The following HIF3A variants were observed in gnomAD, a reference collection of about 807,000 sequenced individuals.
HIF3A encodes the protein hypoxia-inducible factor 3-alpha.
A neutral mutation model predicts 67.2 loss-of-function variants in HIF3A; 41 were observed. The ratio of observed to expected loss-of-function variants is 0.61; its 90% confidence interval spans 0.48 to 0.79. The LOEUF is 0.79. Among genes scored for constraint, HIF3A ranks in the 30% least tolerant of loss-of-function variants. The probability of loss-of-function intolerance (pLI) is 0.00; values close to 1 mark genes in which losing one functional copy is unlikely to be tolerated. For missense variants in HIF3A, 855 were observed against 898.0 expected, an observed-to-expected ratio of 0.95 and a Z score of 0.61; for synonymous variants, 356 against 374.8, an observed-to-expected ratio of 0.95 and a Z score of 0.58.
rs1169879523 is a variant in HIF3A at position 46,342,894 on chromosome 19, C to T, written c.*3272C>T. On this transcript the variant is annotated 3_prime_UTR_variant, in exon 15 of 15. Transcript: ENST00000377670. ...TTCTCATTGCCTACAATCTCTGTGCCCCAGAACCCCCTCCACTTCCCACCC... is the reference window on the plus strand; with the variant it reads ...TTCTCATTGCCTACAATCTCTGTGCTCCAGAACCCCCTCCACTTCCCACCC... 2.0e-5 allele frequency: 3 copies of T among 152,436 alleles called. No homozygotes were observed. Among genetic ancestry groups the T allele is most frequent in the African/African-American group, 7.2e-5 (3 of 41,404 alleles). 9.4% of individuals were successfully genotyped at this position (152,436 alleles called of 1,614,324 possible).
In HIF3A at chr19:46,339,741, T is replaced by G; in HGVS notation, c.*119T>G. The G allele has an allele frequency of 3.4e-6, 2 of 586,726 alleles. No homozygotes were observed. Among genetic ancestry groups the G allele is most frequent in the Non-Finnish European group, 5.8e-6 (2 of 347,226 alleles). The allele number at this position is 586,726 out of a possible 1,614,324, so 36.3% of individuals were successfully genotyped here. A position where few individuals can be genotyped will look rare whatever the true frequency, so the allele number is the denominator to read the frequency against. On this transcript the variant is annotated 3_prime_UTR_variant, in exon 15 of 15. Transcript: ENST00000377670. ...GAGAGGGGCCCCTCTCTCCTCTATG[T>G]ACCCCCTGCCCACCTCGGGCCTACC...
At position 46,297,335 on chromosome 19, in the gene HIF3A, C is replaced by G. The variant is rs1283066323; in HGVS notation, c.26+233C>G. On this transcript the variant is annotated intron_variant, in intron 1 of 14. Coordinates refer to ENST00000377670, the MANE Select transcript of HIF3A (RefSeq NM_152795.4). The surrounding 1 kb of genome is among the most constrained non-coding windows in gnomAD (Gnocchi z 4.5). ...TCTGGCCAAGAGCGGCTTCGGGGTT[C>G]CCGATTTCTCGCTACCCAAGGCTCA... 1.3e-5 allele frequency among the ~76,000 whole-genome samples: 2 copies of G among 152,112 alleles called. No homozygotes were observed. The highest frequency in any genetic ancestry group is 4.8e-5 in the African/African-American group (2 of 41,446).
chr19:46,309,223 T>A lies in HIF3A; in HGVS notation c.634T>A (p.Ser212Thr). The change falls in exon 6 of 15, where the codon TCA (serine) becomes ACA (threonine). Residue 212 changes from serine to threonine, a missense_variant. Around this residue, in one of 3 missense-constraint regions of HIF3A, gnomAD observed 638 missense variants for 660.5 expected, o/e 0.97. Coordinates refer to ENST00000377670, the MANE Select transcript of HIF3A (RefSeq NM_152795.4). ...GACTTCTCCAGCTGGGAGCCCTGAC[T>A]CAGAGCCCCCGCTGCAGTGCCTGGT... is the stretch of plus-strand genomic sequence containing the variant. ...AQTSPAGSPDSEPPLQCLVLI... is the reference protein window; with the variant it reads ...AQTSPAGSPDTEPPLQCLVLI... 6.2e-7 allele frequency: 1 copy of A among 1,614,056 alleles called. No individual in the cohort carries two copies. The highest frequency in any genetic ancestry group is 8.5e-7 in the Non-Finnish European group (1 of 1,179,980).
intron 9 of HIF3A, 90 bp from the exon 10 acceptor site, chr19:46,321,686 C>T: frequency 8.5e-7 from 1 of 1,173,546 alleles, no homozygotes; most frequent in South Asian, 1.4e-5. Context: ...CTGAAGATGT[C>T]AACTGTGTTC....
chr19:46,333,676 A>G (rs10422839), intron 13 of HIF3A, among the ~76,000 whole-genome samples: 1,565 of 151,976 alleles, frequency 0.01, 30 homozygotes, highest in African/African-American at 0.036. Flanking sequence ...ATGGGTGGCC[A>G]CTGGACCTCA....
chr19:46,301,749 C>T (rs1380067693), intron 1 of HIF3A, among the ~76,000 whole-genome samples: 1 of 150,592 alleles, frequency 6.6e-6, no homozygotes, highest in East Asian at 1.9e-4. Context: ...TTGAACCCGG[C>T]AGGCGGAGGC....
chr19:46,299,287 G>A (rs1302938977), intron 1 of HIF3A, among the ~76,000 whole-genome samples: 2 of 152,212 alleles, frequency 1.3e-5, no homozygotes, highest in Non-Finnish European at 2.9e-5. Context: ...GAGGGGTGGG[G>A]CAGGGGCCTC....
intron 8 of HIF3A, among the ~76,000 whole-genome samples, chr19:46,318,210 ATT>A (rs34252806): frequency 0.015 from 2,267 of 146,462 alleles, 54 homozygotes; most frequent in African/African-American, 0.051. Flanking sequence ...GTCATTTGGA[ATT>A]TTTTTTTTTT....
chr19:46,308,161 T>A, intron 3 of HIF3A, 60 bp from the exon 4 acceptor site: 1 of 1,027,150 alleles, frequency 9.7e-7, no homozygotes, highest in East Asian at 2.4e-5. Context: ...GGAATGAGGA[T>A]GGGATGGAGG....
In HIF3A at chr19:46,325,636, T is replaced by C; in HGVS notation, c.1437T>C (p.Ala479=). ...CAGTGGAGACAGATTTAGATATAGC[T>C]CAGGTAAGGGCTGGCATGGAAGGGA... ...TEAVETDLDI[A]QDADALDLEM... Residue 479 remains alanine (A), a synonymous_variant, in exon 11 of 15, where the codon GCT becomes GCC. Coordinates refer to ENST00000377670, the MANE Select transcript of HIF3A (RefSeq NM_152795.4). 6.2e-7 allele frequency: 1 copy of C among 1,603,068 alleles called. No homozygotes were observed. The highest frequency in any genetic ancestry group is 8.5e-7 in the Non-Finnish European group (1 of 1,170,744).
At chr19:46,336,085 CTTTTTT>C (rs1017798750) in intron 14 of HIF3A, among the ~76,000 whole-genome samples, 43 of 79,382 alleles carry the variant, frequency 5.4e-4, no homozygotes, top group African/African-American at 2.4e-3. Context: ...CTCTCTCTCT[CTTTTTT>C]TTTTTTTTTT....
chr19:46,314,388 A>C (rs1294080756), intron 8 of HIF3A, among the ~76,000 whole-genome samples: 2 of 145,998 alleles, frequency 1.4e-5, no homozygotes, highest in Non-Finnish European at 3.0e-5. Flanking sequence ...AACCAAAAAA[A>C]AAAAACAAAC....
chr19:46,329,434 AG>A lies in HIF3A; in HGVS notation c.1672del (p.Asp558ThrfsTer32). On this transcript the variant is annotated frameshift_variant, in exon 12 of 15. Coordinates refer to ENST00000377670, the MANE Select transcript of HIF3A (RefSeq NM_152795.4). LOFTEE classifies it high-confidence loss of function. Reference sequence around the variant, plus strand: ...GGCTGAGCTGCTCCAGCCCTTCCAGAGGGGACCCCTCAGCATCCTCTCCCAT... The same window carrying A: ...GGCTGAGCTGCTCCAGCCCTTCCAGAGGGACCCCTCAGCATCCTCTCCCAT... ...PRLSCSSPSR[G>X]DPSASSPMAG... 6.4e-7 allele frequency: 1 copy of A among 1,572,728 alleles called. No individual in the cohort carries two copies. Among genetic ancestry groups the A allele is most frequent in the African/African-American group, 1.4e-5 (1 of 73,894 alleles).
chr19:46,324,231 C>T (rs574083974), intron 10 of HIF3A, among the ~76,000 whole-genome samples: 10 of 152,338 alleles, frequency 6.6e-5, no homozygotes, highest in African/African-American at 2.4e-4. Context: ...CATGTCACCA[C>T]ATCATTGGTT....
At chr19:46,322,144 T>G (rs900260654) in intron 10 of HIF3A, among the ~76,000 whole-genome samples, 178 bp downstream of exon 10, 1 of 152,172 alleles carries the variant, frequency 6.6e-6, no homozygotes, top group African/African-American at 2.4e-5. Context: ...ATTTTTCAAT[T>G]GTTAGAATTC....
At position 46,329,454 on chromosome 19, in the gene HIF3A, C is replaced by T. The variant is rs571751915; in HGVS notation, c.1688C>T (p.Ser563Phe). The T allele has an allele frequency of 1.3e-6, 2 of 1,533,224 alleles. No homozygotes were observed. The highest frequency in any genetic ancestry group is 2.5e-5 in the South Asian group (2 of 79,454). The allele number at this position is 1,533,224 out of a possible 1,614,324, so 95.0% of individuals were successfully genotyped here. A position where few individuals can be genotyped will look rare whatever the true frequency, so the allele number is the denominator to read the frequency against. The change falls in exon 12 of 15, where the codon TCT becomes TTT. Residue 563 changes from serine (S) to phenylalanine (F), a missense_variant. By Grantham distance (155) the Ser-to-Phe change is radical. Around this residue, in one of 3 missense-constraint regions of HIF3A, gnomAD observed 199 missense variants for 193.8 expected, o/e 1.03. Transcript: ENST00000377670. ...TCCAGAGGGGACCCCTCAGCATCCT[C>T]TCCCATGGCTGGGGCTCGGAAGAGG... ...SPSRGDPSAS[S>F]PMAGARKRTL...
At chr19:46,308,170 G>GGAGGGATGGAC (rs2147148149) in intron 3 of HIF3A, 51 bp from the exon 4 acceptor site, 1 of 1,131,322 alleles carries the variant, frequency 8.8e-7, no homozygotes, top group Non-Finnish European at 1.4e-6. Context: ...ATGGGATGGA[G>GGAGGGATGGAC]GAGATGGGTC....
chr19:46,334,407 ATT>A (rs1207582274), intron 13 of HIF3A, among the ~76,000 whole-genome samples: 2 of 151,876 alleles, frequency 1.3e-5, no homozygotes, highest in East Asian at 3.9e-4. Context: ...CATTTTTTAA[ATT>A]TTTTTGTAGA....
intron 9 of HIF3A, among the ~76,000 whole-genome samples, chr19:46,321,128 C>T (rs1970327874): frequency 6.6e-6 from 1 of 152,124 alleles, no homozygotes; most frequent in Admixed American, 6.6e-5. Flanking sequence ...GGCTCTGGGC[C>T]TTGTCTTAAC....
Sources: gnomAD v4.1 joint callset for allele counts (sites outside exome capture counted in the v4.1 genomes callset) on GRCh38, gnomAD v4.1.1 for gene constraint, gnomAD v4.1.1 regional missense constraint, Gnocchi (gnomAD v3.1) non-coding constraint, MANE v1.5 for transcripts, NCBI Gene and HGNC (gene_info 2026-07-23, HGNC 2026-07-21) for gene names.